The following FAM241A variants were observed in gnomAD, a reference collection of about 807,000 sequenced individuals.
FAM241A encodes family with sequence similarity 241 member A.
A neutral mutation model predicts 12.2 loss-of-function variants in FAM241A; 7 were observed. The ratio of observed to expected loss-of-function variants is 0.58; its 90% CI spans 0.33 to 1.08. The LOEUF (loss-of-function observed/expected upper bound fraction) is 1.08, where lower values mean the gene tolerates loss of function less well. FAM241A is among the 50% of genes least tolerant of loss of function. FAM241A has a pLI of 0.04. For missense variants in FAM241A, 161 were observed against 169.7 expected, an observed-to-expected ratio of 0.95 and a Z score of 0.29; for synonymous variants, 74 against 68.2, an observed-to-expected ratio of 1.08 and a Z score of -0.42.
chr4:112,179,941 A>ATATATG (rs1553921432), intron 1 of FAM241A, among the ~76,000 whole-genome samples: 29 of 124,436 alleles, frequency 2.3e-4, no homozygotes, highest in Non-Finnish European at 4.6e-4. Context: ...ATATATATGT[A>ATATATG]TATGTGTGTG....
intron 1 of FAM241A, among the ~76,000 whole-genome samples, chr4:112,162,539 G>T (rs955359891): frequency 2.0e-5 from 3 of 152,072 alleles, no homozygotes; most frequent in African/African-American, 7.2e-5. Flanking sequence ...GAGCCAAATC[G>T]TGAGTGAACT....
chr4:112,187,437 A>G lies in FAM241A; in HGVS notation c.*499A>G, dbSNP rs1332716174. The G allele has an allele frequency of 6.5e-6, 1 of 153,208 alleles. No homozygotes were observed. The highest frequency in any genetic ancestry group is 2.4e-5 in the African/African-American group (1 of 41,450). The allele number at this position is 153,208 out of a possible 1,614,324, so 9.5% of individuals were successfully genotyped here. The stretch of plus-strand genomic sequence containing the variant: ...ATTTGGATTTCAATTGTCCCTACCC[A>G]GCCTAAACTAAGGTAAATGATAATT... On this transcript the variant is annotated 3_prime_UTR_variant, in exon 2 of 2. Coordinates refer to ENST00000309733, the MANE Select transcript of FAM241A (RefSeq NM_152400.3).
At chr4:112,148,249 A>G (rs1723179058) in intron 1 of FAM241A, among the ~76,000 whole-genome samples, 1 of 152,050 alleles carries the variant, frequency 6.6e-6, no homozygotes. Context: ...CTTCTGTCTG[A>G]AAGGTTCATT....
intron 1 of FAM241A, among the ~76,000 whole-genome samples, chr4:112,173,795 A>G (rs1213674727): frequency 6.6e-6 from 1 of 152,088 alleles, no homozygotes; most frequent in African/African-American, 2.4e-5. Flanking sequence ...GCCTCACAGA[A>G]GTTGTCTCAC....
intron 1 of FAM241A, among the ~76,000 whole-genome samples, chr4:112,156,530 T>C (rs1022006931): frequency 3.3e-5 from 5 of 152,216 alleles, no homozygotes; most frequent in African/African-American, 9.6e-5. Context: ...ATATGGCAAA[T>C]GTTTCAGAAA....
chr4:112,194,545 G>A lies in FAM241A; in HGVS notation c.*7607G>A, dbSNP rs1724230074. ...CCCATCAATACCTGATTTATTGAGAGTTTTTAGCATGAAGCGTTGTTGAAT... is the reference window on the plus strand; with the variant it reads ...CCCATCAATACCTGATTTATTGAGAATTTTTAGCATGAAGCGTTGTTGAAT... On this transcript the variant is annotated 3_prime_UTR_variant, in exon 2 of 2. Transcript: ENST00000309733. 1 of 152,066 alleles carries A rather than the reference G, an allele frequency of 6.6e-6. No homozygotes were observed. Among genetic ancestry groups the A allele is most frequent in the Admixed American group, 6.6e-5 (1 of 15,264 alleles). The allele number at this position is 152,066 out of a possible 1,614,324, so 9.4% of individuals were successfully genotyped here. A position where few individuals can be genotyped will look rare whatever the true frequency, so the allele number is the denominator to read the frequency against.
At position 112,187,688 on chromosome 4, in the gene FAM241A, G is replaced by C. The variant is rs1474457599; in HGVS notation, c.*750G>C. On this transcript the variant is annotated 3_prime_UTR_variant, in exon 2 of 2. Transcript: ENST00000309733. ...GTTTTTAAAGTCTCATAGCCTAGTT[G>C]ACTGCACCCTATGGTAATGCCATAT... is the stretch of plus-strand genomic sequence containing the variant. 2.0e-5 allele frequency: 3 copies of C among 152,458 alleles called. No individual in the cohort carries two copies. Among genetic ancestry groups the C allele is most frequent in the Non-Finnish European group, 4.4e-5 (3 of 67,976 alleles). 9.4% of individuals were successfully genotyped at this position (152,458 alleles called of 1,614,324 possible).
intron 1 of FAM241A, among the ~76,000 whole-genome samples, chr4:112,156,564 C>T (rs1560580259): frequency 6.6e-6 from 1 of 152,196 alleles, no homozygotes; most frequent in Non-Finnish European, 1.5e-5. Context: ...CTCTGAGCTA[C>T]TAGAGATGAA....
At chr4:112,172,476 C>T (rs556482110) in intron 1 of FAM241A, among the ~76,000 whole-genome samples, 2 of 152,310 alleles carry the variant, frequency 1.3e-5, no homozygotes, top group South Asian at 4.1e-4. Flanking sequence ...CAGTTAAACA[C>T]ACCATATCAT....
intron 1 of FAM241A, among the ~76,000 whole-genome samples, chr4:112,160,729 T>C (rs955995727): frequency 6.6e-6 from 1 of 152,032 alleles, no homozygotes; most frequent in African/African-American, 2.4e-5. Context: ...TGGAACAGAA[T>C]AAAGAGCCCA....
intron 1 of FAM241A, among the ~76,000 whole-genome samples, chr4:112,185,790 A>G (rs1407901605): frequency 6.6e-6 from 1 of 152,156 alleles, no homozygotes; most frequent in Non-Finnish European, 1.5e-5. Context: ...GAAAACCCCC[A>G]AATTGCAATC....
intron 1 of FAM241A, among the ~76,000 whole-genome samples, chr4:112,151,968 T>A (rs1442492641): frequency 6.6e-6 from 1 of 152,218 alleles, no homozygotes; most frequent in Admixed American, 6.5e-5. Context: ...AACTAAATAT[T>A]AGTTTATACT....
chr4:112,156,515 A>G (rs766466172), intron 1 of FAM241A, among the ~76,000 whole-genome samples: 1 of 152,204 alleles, frequency 6.6e-6, no homozygotes, highest in African/African-American at 2.4e-5. Context: ...GACAGAGATT[A>G]CATTATATGG....
Position 112,167,122 on chromosome 4 carries a change from A to T in FAM241A, c.154-19571A>T, listed in dbSNP as rs199565781. Among the ~76,000 whole-genome samples, 271 of 150,954 alleles carry T rather than the reference A, an allele frequency of 1.8e-3. 3 individuals are homozygous for T. The highest frequency in any genetic ancestry group is 3.4e-3 in the Middle Eastern group (1 of 294). On this transcript the variant is annotated intron_variant, in intron 1 of 1. Transcript: ENST00000309733. ...GAGCGAGACTCCGTCTCAAAAAAAAAAAAAATAAAAATAAAAAATAAAAAT... is the reference window on the plus strand; with the variant it reads ...GAGCGAGACTCCGTCTCAAAAAAAATAAAAATAAAAATAAAAAATAAAAAT...
intron 1 of FAM241A, among the ~76,000 whole-genome samples, chr4:112,146,137 G>A (rs1723133204): frequency 6.6e-6 from 1 of 152,242 alleles, no homozygotes; most frequent in African/African-American, 2.4e-5. Context: ...AGGAGACGCC[G>A]GCTCCCCTCC....
chr4:112,186,630 T>C, intron 1 of FAM241A, 63 bp from the exon 2 acceptor site: 2 of 1,484,896 alleles, frequency 1.3e-6, no homozygotes, highest in Non-Finnish European at 1.8e-6. Flanking sequence ...ACTAAGGTTC[T>C]TAAAGACGTT....
At chr4:112,163,530 CATTT>C (rs1723526010) in intron 1 of FAM241A, among the ~76,000 whole-genome samples, 1 of 152,172 alleles carries the variant, frequency 6.6e-6, no homozygotes, top group African/African-American at 2.4e-5. Flanking sequence ...CAAAAGAAGA[CATTT>C]ATACAGCCAA....
chr4:112,158,108 A>G (rs549069414), intron 1 of FAM241A, among the ~76,000 whole-genome samples: 53 of 152,150 alleles, frequency 3.5e-4, no homozygotes, highest in African/African-American at 1.2e-3. Context: ...TATTTATTTT[A>G]TTATAATTTA....
chr4:112,145,570 T>G lies in FAM241A; in HGVS notation c.-11T>G, dbSNP rs1723115992. 8.0e-7 allele frequency: 1 copy of G among 1,246,034 alleles called. No homozygotes were observed. Among genetic ancestry groups the G allele is most frequent in the African/African-American group, 1.6e-5 (1 of 64,476 alleles). The allele number at this position is 1,246,034 out of a possible 1,614,324, so 77.2% of individuals were successfully genotyped here. On this transcript the variant is annotated 5_prime_UTR_variant, in exon 1 of 2. Coordinates refer to ENST00000309733, the MANE Select transcript of FAM241A (RefSeq NM_152400.3). ...CGGCGGCTGTCCGGGGCGGTAGGAG[T>G]TGGCTGCGGGATGTGCTCAGCCGGG...
Sources: gnomAD v4.1 joint callset for allele counts (sites outside exome capture counted in the v4.1 genomes callset) on GRCh38, gnomAD v4.1.1 for gene constraint, MANE v1.5 for transcripts, NCBI Gene and HGNC (gene_info 2026-07-23, HGNC 2026-07-21) for gene names.